The following PPP3CA variants were observed in gnomAD, a reference collection of about 807,000 sequenced individuals.
The protein encoded by PPP3CA is protein phosphatase 3 catalytic subunit alpha, also known as CAM-PRP catalytic subunit.
A neutral mutation model predicts 66.5 loss-of-function variants in PPP3CA; 14 were observed. The ratio of observed to expected loss-of-function variants is 0.21; its 90% CI spans 0.14 to 0.33. The LOEUF is 0.33. Among genes scored for constraint, PPP3CA ranks in the 10% least tolerant of loss-of-function variants. The pLI is 1.00. For missense variants in PPP3CA, 317 were observed against 639.5 expected, an observed-to-expected ratio of 0.50 and a Z score of 5.44; for synonymous variants, 232 against 226.2, an observed-to-expected ratio of 1.03 and a Z score of -0.23.
At chr4:101,311,978 T>C (rs1728736563) in intron 1 of PPP3CA, among the ~76,000 whole-genome samples, 1 of 152,204 alleles carries the variant, frequency 6.6e-6, no homozygotes, top group African/African-American at 2.4e-5. Flanking sequence ...TATCTACTAC[T>C]TTGTATCACT....
intron 1 of PPP3CA, among the ~76,000 whole-genome samples, chr4:101,232,891 G>T (rs1406020536): frequency 2.0e-5 from 3 of 151,504 alleles, no homozygotes; most frequent in African/African-American, 7.3e-5. Context: ...AACAGAAAAA[G>T]AAATTATCAG....
At chr4:101,279,968 T>A (rs1253166930) in intron 1 of PPP3CA, among the ~76,000 whole-genome samples, 3 of 152,244 alleles carry the variant, frequency 2.0e-5, no homozygotes, top group Admixed American at 2.0e-4. Flanking sequence ...CTTTCACATT[T>A]TCAGTTCCTG....
intron 1 of PPP3CA, among the ~76,000 whole-genome samples, chr4:101,323,918 G>A (rs1729118447): frequency 6.6e-6 from 1 of 152,034 alleles, no homozygotes; most frequent in Admixed American, 6.5e-5. Context: ...AGATCAGCCA[G>A]GCTGGCCAAC....
chr4:101,154,764 AT>A (rs950791272), intron 2 of PPP3CA, among the ~76,000 whole-genome samples: 4 of 151,114 alleles, frequency 2.6e-5, no homozygotes, highest in African/African-American at 9.7e-5. Flanking sequence ...CTGGCATGGA[AT>A]TTAGCAAATG....
chr4:101,110,571 T>TATA (rs1365375147), intron 2 of PPP3CA, among the ~76,000 whole-genome samples: 11 of 152,310 alleles, frequency 7.2e-5, no homozygotes, highest in African/African-American at 2.6e-4. Context: ...ACTCCAATCA[T>TATA]ATAGCTTCTT....
chr4:101,260,299 C>G (rs1332526578), intron 1 of PPP3CA, among the ~76,000 whole-genome samples: 1 of 152,096 alleles, frequency 6.6e-6, no homozygotes, highest in Non-Finnish European at 1.5e-5. Flanking sequence ...CGTGCAGTAT[C>G]AGAAATATAA....
At chr4:101,273,479 A>G (rs563645573) in intron 1 of PPP3CA, among the ~76,000 whole-genome samples, 1 of 152,218 alleles carries the variant, frequency 6.6e-6, no homozygotes, top group African/African-American at 2.4e-5. Context: ...AGTGCATGCC[A>G]CCATGCTCAG....
intron 1 of PPP3CA, among the ~76,000 whole-genome samples, chr4:101,244,794 T>C (rs1726426136): frequency 6.6e-6 from 1 of 152,224 alleles, no homozygotes; most frequent in Non-Finnish European, 1.5e-5. Context: ...ATGCAATTTA[T>C]ACCTGATTCA....
At chr4:101,211,372 C>G (rs1412291431) in intron 1 of PPP3CA, among the ~76,000 whole-genome samples, 1 of 152,104 alleles carries the variant, frequency 6.6e-6, no homozygotes, top group Non-Finnish European at 1.5e-5. Flanking sequence ...ACATAGAAAG[C>G]CTTAAAAAAA....
chr4:101,076,816 A>T (rs984871475), intron 8 of PPP3CA, among the ~76,000 whole-genome samples: 50 of 152,232 alleles, frequency 3.3e-4, no homozygotes, highest in Admixed American at 3.3e-3. Context: ...AATAATAACA[A>T]CATAAAATAT....
intron 2 of PPP3CA, among the ~76,000 whole-genome samples, chr4:101,162,440 G>C (rs1723546073): frequency 6.6e-6 from 1 of 151,656 alleles, no homozygotes; most frequent in Admixed American, 6.6e-5. Flanking sequence ...CTGAGGCAGA[G>C]AATTGCTTGA....
Position 101,138,200 on chromosome 4 carries a change from T to A in PPP3CA, c.260-29122A>T, listed in dbSNP as rs555451286. The stretch of plus-strand genomic sequence containing the variant: ...TCTCTCTCACGTCTGCAGCCTTGTC[T>A]CATCAATCCCTTTGGAGAAATGGTT... On this transcript the variant is annotated intron_variant, in intron 2 of 13. Transcript: ENST00000394854. 3.9e-5 allele frequency among the ~76,000 whole-genome samples: 6 copies of A among 152,364 alleles called. No homozygotes were observed. In the South Asian group the frequency reaches 1.2e-3, roughly 32 times the overall value.
At chr4:101,290,252 TC>T (rs1727980569) in intron 1 of PPP3CA, among the ~76,000 whole-genome samples, 1 of 152,196 alleles carries the variant, frequency 6.6e-6, no homozygotes, top group African/African-American at 2.4e-5. Flanking sequence ...AAAGATCATT[TC>T]TGTTACCTCT....
intron 2 of PPP3CA, among the ~76,000 whole-genome samples, chr4:101,173,773 G>A (rs977693128): frequency 4.2e-4 from 64 of 152,250 alleles, no homozygotes; most frequent in Non-Finnish European, 7.9e-4. Flanking sequence ...AGAAAAAAAA[G>A]AGCATGGTGG....
intron 3 of PPP3CA, among the ~76,000 whole-genome samples, chr4:101,100,239 G>C (rs1578445649): frequency 1.3e-5 from 2 of 152,142 alleles, no homozygotes; most frequent in East Asian, 3.9e-4. Context: ...CAGGGAGCTA[G>C]AGATGGGGAA....
chr4:101,320,357 A>G (rs1289506342), intron 1 of PPP3CA, among the ~76,000 whole-genome samples: 9 of 152,138 alleles, frequency 5.9e-5, no homozygotes, highest in Non-Finnish European at 1.5e-5. Flanking sequence ...CATTGTTACT[A>G]AAACAGTATT....
intron 13 of PPP3CA, among the ~76,000 whole-genome samples, chr4:101,028,356 T>C (rs908234577): frequency 1.3e-5 from 2 of 152,166 alleles, no homozygotes; most frequent in African/African-American, 4.8e-5. Context: ...AACAGTCAAG[T>C]AAAAAGCAAA....
chr4:101,183,604 A>G (rs1210325700), intron 2 of PPP3CA, among the ~76,000 whole-genome samples: 1 of 152,170 alleles, frequency 6.6e-6, no homozygotes, highest in Non-Finnish European at 1.5e-5. Context: ...ATATCTCAAA[A>G]TCAAAAATAT....
At chr4:101,285,084 G>C (rs908827896) in intron 1 of PPP3CA, among the ~76,000 whole-genome samples, 11 of 151,804 alleles carry the variant, frequency 7.2e-5, no homozygotes, top group Admixed American at 2.0e-4. Context: ...GGGAGACAAG[G>C]ATTCTCTATC....
Sources: gnomAD v4.1 joint callset for allele counts (sites outside exome capture counted in the v4.1 genomes callset) on GRCh38, gnomAD v4.1.1 for gene constraint, MANE v1.5 for transcripts, NCBI Gene and HGNC (gene_info 2026-07-23, HGNC 2026-07-21) for gene names.